Variants in PGBD5 observed in about 807,000 individuals in gnomAD.
PGBD5 encodes piggyBac transposable element-derived protein 5.
Under a neutral mutation model 47.9 loss-of-function variants are expected in PGBD5, and 14 were observed. The ratio of observed to expected loss-of-function variants is 0.29; its 90% CI spans 0.19 to 0.46. The LOEUF (loss-of-function observed/expected upper bound fraction) is 0.46. Ranked by LOEUF, PGBD5 falls within the 20% of genes least tolerant of loss-of-function variation. PGBD5 has a pLI of 1.00. For synonymous variants in PGBD5, 316 were observed against 306.3 expected, an observed-to-expected ratio of 1.03 and a Z score of -0.33; for missense variants, 635 against 716.0, an observed-to-expected ratio of 0.89 and a Z score of 1.29.
intron 5 of PGBD5, among the ~76,000 whole-genome samples, chr1:230,331,166 A>C (rs1404887958): frequency 1.3e-5 from 2 of 152,156 alleles, no homozygotes; most frequent in Non-Finnish European, 2.9e-5. Context: ...TACACCCAGC[A>C]CTTTGGGAGG....
chr1:230,374,780 G>A (rs1667985327), intron 1 of PGBD5, among the ~76,000 whole-genome samples: 1 of 152,216 alleles, frequency 6.6e-6, no homozygotes, highest in Non-Finnish European at 1.5e-5. Flanking sequence ...AGCAGGATTA[G>A]GAAGTTTCTC....
Position 230,425,934 on chromosome 1 carries a change from C to G in PGBD5, c.-6G>C, listed in dbSNP as rs1408680668. On this transcript the variant is annotated 5_prime_UTR_variant, in exon 1 of 7. Transcript: ENST00000391860. This position sits in a 1 kb window ranked among gnomAD's most constrained non-coding sequence, Gnocchi z 4.7. ...CCCCCGCCGCCCTCGGCCATGGCCC[C>G]GGCCGCCGCCCGCGCGCCCGCCCCC... 2 of 953,584 alleles carry G rather than the reference C, an allele frequency of 2.1e-6. No individual in the cohort carries two copies. The highest frequency in any genetic ancestry group is 2.4e-6 in the Non-Finnish European group (2 of 826,482). 59.1% of individuals were successfully genotyped at this position (953,584 alleles called of 1,614,324 possible).
intron 1 of PGBD5, among the ~76,000 whole-genome samples, chr1:230,386,379 T>G (rs1656638779): frequency 6.6e-6 from 1 of 151,970 alleles, no homozygotes; most frequent in South Asian, 2.1e-4. Context: ...AATATACGAG[T>G]TTCACTTTTC....
At chr1:230,372,226 A>C (rs1667941261) in intron 1 of PGBD5, among the ~76,000 whole-genome samples, 1 of 152,248 alleles carries the variant, frequency 6.6e-6, no homozygotes, top group Admixed American at 6.5e-5. Context: ...ACTTTCCGGC[A>C]AATCAAATCA....
At chr1:230,377,453 G>A in intron 1 of PGBD5, 1 of 1,593,856 alleles carries the variant, frequency 6.3e-7, no homozygotes, top group Non-Finnish European at 8.6e-7. Context: ...TGGATGAAAA[G>A]ATCTCTTGCC....
In PGBD5 at chr1:230,323,201, G is replaced by A. The variant is rs138183972; in HGVS notation, c.*224C>T. On this transcript the variant is annotated 3_prime_UTR_variant, in exon 7 of 7. Transcript: ENST00000391860. This position sits in a 1 kb window ranked among gnomAD's most constrained non-coding sequence, Gnocchi z 4.1. ...CGTGGGTGTAAGTGCTCATCACACC[G>A]GCGGCACTGTTTCTCGAGGGAGGAC... 899 of 559,338 alleles carry A rather than the reference G, an allele frequency of 1.6e-3. 10 individuals carry two copies. The highest frequency in any genetic ancestry group is 0.014 in the African/African-American group (765 of 53,218). 34.6% of individuals were successfully genotyped at this position (559,338 alleles called of 1,614,324 possible). A position where few individuals can be genotyped will look rare whatever the true frequency, so the allele number is the denominator to read the frequency against.
chr1:230,382,623 C>A (rs1490062972), intron 1 of PGBD5, among the ~76,000 whole-genome samples: 1 of 152,140 alleles, frequency 6.6e-6, no homozygotes, highest in African/African-American at 2.4e-5. Context: ...CCAGGGCAAT[C>A]CTAGGTAAAC....
At chr1:230,421,187 C>G (rs1010750043) in intron 1 of PGBD5, among the ~76,000 whole-genome samples, 1 of 152,148 alleles carries the variant, frequency 6.6e-6, no homozygotes, top group Admixed American at 6.5e-5. Context: ...TTCTCCTCTT[C>G]TGGAAGGCAG....
Position 230,315,868 on chromosome 1 carries a change from A to G in PGBD5, c.*7557T>C, listed in dbSNP as rs566037552. The G allele has an allele frequency of 2.7e-5, 4 of 150,082 alleles. 1 individual carries two copies. The South Asian group carries it at 8.3e-4, about 31-fold the overall frequency. 9.3% of individuals were successfully genotyped at this position (150,082 alleles called of 1,614,324 possible). On this transcript the variant is annotated 3_prime_UTR_variant, in exon 7 of 7. Transcript: ENST00000391860. ...CATATCTGTATACATGTGTATATAT[A>G]TACATATATGGATACATACATATTT...
intron 1 of PGBD5, among the ~76,000 whole-genome samples, chr1:230,378,239 C>T (rs145320784): frequency 9.9e-5 from 15 of 152,202 alleles, no homozygotes; most frequent in Non-Finnish European, 2.2e-4. Flanking sequence ...GACACAGGAT[C>T]TAACACAGCA....
At chr1:230,394,739 A>C (rs1472666270) in intron 1 of PGBD5, among the ~76,000 whole-genome samples, 3 of 53,444 alleles carry the variant, frequency 5.6e-5, no homozygotes, top group African/African-American at 1.5e-4. Flanking sequence ...TCTCATCCCT[A>C]CCCTCCTCCC....
rs201286614 is a variant in PGBD5, at chr1:230,405,417, TTC to T, written c.331+20179_331+20180del. ...CCACTAAACGAACAGTAAATATATT[TTC>T]TCTTTCTTATGATTTTTCTTCATAA... On this transcript the variant is annotated intron_variant, in intron 1 of 6. Coordinates refer to ENST00000391860, the MANE Select transcript of PGBD5 (RefSeq NM_001258311.2). Among the ~76,000 whole-genome samples, 651 of 152,332 alleles carry T rather than the reference TTC, an allele frequency of 4.3e-3. 6 individuals carry two copies. The highest frequency in any genetic ancestry group is 4.6e-3 in the Non-Finnish European group (314 of 68,036).
intron 1 of PGBD5, among the ~76,000 whole-genome samples, chr1:230,408,288 T>G (rs1657340564): frequency 6.6e-6 from 1 of 152,248 alleles, no homozygotes; most frequent in African/African-American, 2.4e-5. Flanking sequence ...CATAATTGGC[T>G]TCGTCTTGAC....
chr1:230,387,067 A>C (rs1312908682), intron 1 of PGBD5, among the ~76,000 whole-genome samples: 1 of 152,008 alleles, frequency 6.6e-6, no homozygotes, highest in African/African-American at 2.4e-5. Context: ...ATTTCCTTCT[A>C]TTTTTAGATG....
chr1:230,405,908 A>G (rs1657287972), intron 1 of PGBD5, among the ~76,000 whole-genome samples: 1 of 152,260 alleles, frequency 6.6e-6, no homozygotes, highest in Non-Finnish European at 1.5e-5. Context: ...TGATATGCAC[A>G]AGACATGCAA....
intron 1 of PGBD5, among the ~76,000 whole-genome samples, chr1:230,364,678 T>C (rs74230136): frequency 0.043 from 6,588 of 152,360 alleles, 159 homozygotes; most frequent in South Asian, 0.072. Context: ...CTGAAGTTGT[T>C]CACAGGAAAT....
chr1:230,385,970 A>G (rs1656628144), intron 1 of PGBD5, among the ~76,000 whole-genome samples: 1 of 152,178 alleles, frequency 6.6e-6, no homozygotes, highest in Admixed American at 6.5e-5. Context: ...ACCTGTATGC[A>G]CTTTAGAGTT....
At chr1:230,327,427 T>G (rs968240610) in intron 5 of PGBD5, among the ~76,000 whole-genome samples, 7 of 152,152 alleles carry the variant, frequency 4.6e-5, no homozygotes, top group African/African-American at 1.7e-4. Context: ...AGCCGGACTC[T>G]TTCCTTCTTT....
chr1:230,389,109 C>T (rs935937303), intron 1 of PGBD5, among the ~76,000 whole-genome samples: 2 of 151,990 alleles, frequency 1.3e-5, no homozygotes, highest in Admixed American at 6.6e-5. Context: ...GACAAGGCTT[C>T]GATGCAAATC....
Sources: allele counts gnomAD v4.1 joint callset (sites outside exome capture counted in the v4.1 genomes callset), GRCh38; gene constraint gnomAD v4.1.1; non-coding constraint Gnocchi (gnomAD v3.1); transcripts MANE v1.5; gene names NCBI Gene and HGNC (gene_info 2026-07-23, HGNC 2026-07-21).